FBXL13: variants seen among roughly 807,000 people sequenced by gnomAD.
FBXL13 encodes F-box and leucine rich repeat protein 13, also known as F-box and leucine-rich repeat protein 13.
Under a neutral mutation model 83.6 loss-of-function variants are expected in FBXL13, and 67 were observed. The observed-to-expected ratio is 0.80, with a 90% CI of 0.66 to 0.98. FBXL13 has a LOEUF of 0.98. FBXL13 is among the 50% of genes least tolerant of loss of function. FBXL13 has a pLI of 0.00. For synonymous variants in FBXL13, 272 were observed against 299.5 expected, an observed-to-expected ratio of 0.91 and a Z score of 0.95; for missense variants, 822 against 866.5, an observed-to-expected ratio of 0.95 and a Z score of 0.64.
intron 8 of FBXL13, among the ~76,000 whole-genome samples, chr7:102,957,720 GC>G (rs1305352128): frequency 6.6e-6 from 1 of 152,080 alleles, no homozygotes; most frequent in Admixed American, 6.6e-5. Flanking sequence ...CAAAAAGTGG[GC>G]AAAGGATATG....
intron 6 of FBXL13, among the ~76,000 whole-genome samples, chr7:103,000,095 G>A (rs1790233369): frequency 6.6e-6 from 1 of 151,832 alleles, no homozygotes; most frequent in South Asian, 2.1e-4. Context: ...GTTTTGGTGT[G>A]TTTTTATTTT....
At chr7:102,943,506 A>G (rs1181412998) in intron 8 of FBXL13, among the ~76,000 whole-genome samples, 1 of 152,184 alleles carries the variant, frequency 6.6e-6, no homozygotes, top group African/African-American at 2.4e-5. Context: ...CCTTCTATCA[A>G]TCCAGAAATT....
At chr7:102,906,705 T>A (rs980266401) in intron 11 of FBXL13, among the ~76,000 whole-genome samples, 1 of 152,242 alleles carries the variant, frequency 6.6e-6, no homozygotes, top group Non-Finnish European at 1.5e-5. Flanking sequence ...ACTGAAAAGT[T>A]TGCTGCCAAA....
chr7:102,945,576 C>T (rs1045503221), intron 8 of FBXL13, among the ~76,000 whole-genome samples: 12 of 152,018 alleles, frequency 7.9e-5, no homozygotes, highest in African/African-American at 2.7e-4. Flanking sequence ...TTAAAATGAG[C>T]TCACCTAGAG....
chr7:102,923,033 A>C (rs1563096130), intron 10 of FBXL13, among the ~76,000 whole-genome samples: 1 of 152,220 alleles, frequency 6.6e-6, no homozygotes, highest in Non-Finnish European at 1.5e-5. Flanking sequence ...GAATGATTAC[A>C]GTTCCAATAT....
At chr7:103,033,501 G>A (rs1315202743) in intron 2 of FBXL13, among the ~76,000 whole-genome samples, 1 of 152,210 alleles carries the variant, frequency 6.6e-6, no homozygotes, top group Non-Finnish European at 1.5e-5. Context: ...ATGTTCGGAT[G>A]TGTTCGGAGT....
At chr7:102,983,629 G>A (rs1033244603) in intron 6 of FBXL13, among the ~76,000 whole-genome samples, 8 of 151,700 alleles carry the variant, frequency 5.3e-5, no homozygotes, top group East Asian at 1.9e-4. Context: ...CATGTCGGCC[G>A]GGGCTGGTCT....
chr7:103,043,010 A>G (rs1290444749), intron 2 of FBXL13, among the ~76,000 whole-genome samples: 1 of 152,248 alleles, frequency 6.6e-6, no homozygotes, highest in Non-Finnish European at 1.5e-5. Flanking sequence ...CAGCAAAAGA[A>G]ACTATCATCA....
At chr7:102,944,061 A>C (rs1178915028) in intron 8 of FBXL13, 10 of 623,208 alleles carry the variant, frequency 1.6e-5, no homozygotes, top group Admixed American at 3.5e-5. Context: ...TCTAAAGTAA[A>C]AGCTCTGAGA....
At chr7:102,857,257 C>G (rs1425055611) in intron 16 of FBXL13, among the ~76,000 whole-genome samples, 1 of 152,004 alleles carries the variant, frequency 6.6e-6, no homozygotes, top group Non-Finnish European at 1.5e-5. Context: ...AAAGATTATA[C>G]ACAACAAAGG....
chr7:103,050,718 G>C (rs901515570), intron 2 of FBXL13, among the ~76,000 whole-genome samples: 1 of 152,220 alleles, frequency 6.6e-6, no homozygotes, highest in African/African-American at 2.4e-5. Context: ...GAAAAATTCA[G>C]GCGGCCACTT....
chr7:103,005,398 G>T (rs1221569736), intron 6 of FBXL13, among the ~76,000 whole-genome samples: 1 of 152,088 alleles, frequency 6.6e-6, no homozygotes, highest in East Asian at 1.9e-4. Context: ...AGGACGGAAA[G>T]TAAAGGCAAA....
intron 11 of FBXL13, among the ~76,000 whole-genome samples, chr7:102,899,193 G>A (rs1348226436): frequency 3.9e-5 from 6 of 151,960 alleles, no homozygotes; most frequent in Non-Finnish European, 5.9e-5. Flanking sequence ...AATTATAGGC[G>A]TGAGCCACCG....
intron 11 of FBXL13, among the ~76,000 whole-genome samples, chr7:102,899,409 CTTGGT>C (rs1812689593): frequency 6.6e-6 from 1 of 152,208 alleles, no homozygotes; most frequent in Admixed American, 6.5e-5. Flanking sequence ...ATCTCTCCCT[CTTGGT>C]AGGCTTCTTT....
At chr7:102,925,636 T>C (rs1038549749) in intron 10 of FBXL13, among the ~76,000 whole-genome samples, 58 of 152,120 alleles carry the variant, frequency 3.8e-4, no homozygotes, top group African/African-American at 1.3e-3. Context: ...AATCAGGATG[T>C]TGGCATTCTA....
intron 1 of FBXL13, among the ~76,000 whole-genome samples, chr7:103,069,846 A>C (rs1164206110): frequency 6.6e-6 from 1 of 152,236 alleles, no homozygotes; most frequent in African/African-American, 2.4e-5. Context: ...TGGGAGGCCG[A>C]GGCAGGTGGA....
rs575194210 is a variant in FBXL13, at chr7:102,844,711, A to T, written c.1719+10066T>A. ...ACTGGATGTTCTACAATTTAATTCA[A>T]CTCTGACATTAACTGGAGTTAGCAC... On this transcript the variant is annotated intron_variant, in intron 17 of 19. Transcript: ENST00000313221. Among the ~76,000 whole-genome samples the T allele has an allele frequency of 5.3e-5, 8 of 152,284 alleles. No homozygotes were observed. In the South Asian group the frequency reaches 1.7e-3, roughly 32 times the overall value.
At chr7:103,023,144 C>T (rs1481458368) in intron 6 of FBXL13, among the ~76,000 whole-genome samples, 1 of 152,074 alleles carries the variant, frequency 6.6e-6, no homozygotes, top group East Asian at 1.9e-4. Context: ...GGCGTGGTGG[C>T]GGGCACCTGT....
At chr7:103,004,416 A>G (rs1790755765) in intron 6 of FBXL13, among the ~76,000 whole-genome samples, 1 of 152,194 alleles carries the variant, frequency 6.6e-6, no homozygotes, top group African/African-American at 2.4e-5. Context: ...CAGAGGACCC[A>G]TGGAGTGTGC....
Sources: gnomAD v4.1 joint callset for allele counts (sites outside exome capture counted in the v4.1 genomes callset) on GRCh38, gnomAD v4.1.1 for gene constraint, MANE v1.5 for transcripts, NCBI Gene and HGNC (gene_info 2026-07-23, HGNC 2026-07-21) for gene names.